KDM7A: variants seen among roughly 807,000 people sequenced by gnomAD.
KDM7A encodes the protein lysine-specific demethylase 7A.
A neutral mutation model predicts 114.8 loss-of-function variants in KDM7A; 28 were observed. The ratio of observed to expected loss-of-function variants is 0.24; its 90% CI spans 0.18 to 0.33. The LOEUF (loss-of-function observed/expected upper bound fraction) is 0.33, where lower values mean the gene tolerates loss of function less well. Ranked by LOEUF, KDM7A falls within the 10% of genes least tolerant of loss-of-function variation. KDM7A has a pLI of 1.00. For synonymous variants in KDM7A, 423 were observed against 397.8 expected (o/e 1.06, Z -0.75); for missense variants, 942 against 1,142.5 (o/e 0.82, Z 2.53).
In KDM7A at chr7:140,111,131, A is replaced by T. The variant is rs375980867; in HGVS notation, c.1392T>A (p.Leu464=). 1.3e-5 allele frequency: 21 copies of T among 1,605,750 alleles called. No individual in the cohort carries two copies. The African/African-American group carries it at 2.7e-4, about 20-fold the overall frequency. The part of the protein sequence containing the change: ...EIPDNVRPGH[L]IKELSKVIRA... Reference sequence around the variant, plus strand: ...GAATTACTTTAGAAAGTTCTTTAATAAGGTGTCCAGGTCTAACATTGTCTG... The same window carrying T: ...GAATTACTTTAGAAAGTTCTTTAATTAGGTGTCCAGGTCTAACATTGTCTG... Residue 464 remains leucine (L), a synonymous_variant, in exon 11 of 20, where the codon CTT becomes CTA. Coordinates refer to ENST00000397560, the MANE Select transcript of KDM7A (RefSeq NM_030647.2).
In KDM7A at chr7:140,106,431, T is replaced by C. The variant is rs1307352063; in HGVS notation, c.1429-4271A>G. On this transcript the variant is annotated intron_variant, in intron 11 of 19. Coordinates refer to ENST00000397560, the MANE Select transcript of KDM7A (RefSeq NM_030647.2). ...TTTCTCTTGTGGGCATTTAGTGCTA[T>C]AAATTTCCCTCTACACACTGCTTTA... is the stretch of plus-strand genomic sequence containing the variant. Among the ~76,000 whole-genome samples the C allele has an allele frequency of 2.0e-5, 3 of 152,228 alleles. No individual in the cohort carries two copies. In the East Asian group the frequency reaches 5.8e-4, roughly 29 times the overall value.
intron 1 of KDM7A, among the ~76,000 whole-genome samples, chr7:140,167,767 T>C (rs921961343): frequency 2.0e-5 from 3 of 151,858 alleles, no homozygotes; most frequent in African/African-American, 7.3e-5. Context: ...GACTAATAAA[T>C]ATGACTACAT....
chr7:140,120,407 G>T (rs1270469321), intron 8 of KDM7A, 35 bp downstream of exon 8: 3 of 1,274,948 alleles, frequency 2.4e-6, no homozygotes, highest in East Asian at 2.3e-5. Context: ...TTTTTAAAAA[G>T]GACAAAAGGT....
rs562542805 is a variant in KDM7A, at chr7:140,162,941, CT to C, written c.194+13802del. 6.4e-4 allele frequency among the ~76,000 whole-genome samples: 97 copies of C among 151,380 alleles called. No homozygotes were observed. The Middle Eastern group carries it at 0.01, about 16-fold the overall frequency. On this transcript the variant is annotated intron_variant, in intron 1 of 19. Transcript: ENST00000397560. Reference sequence around the variant, plus strand: ...TGTACATGCTGATATGAGAAGCTCTCTGAGATATCCAGGATATTTTAATAAA... The same window carrying C: ...TGTACATGCTGATATGAGAAGCTCTCGAGATATCCAGGATATTTTAATAAA...
intron 10 of KDM7A, among the ~76,000 whole-genome samples, 185 bp downstream of exon 10, chr7:140,113,306 T>C (rs187494751): frequency 6.6e-6 from 1 of 152,366 alleles, no homozygotes; most frequent in African/African-American, 2.4e-5. Flanking sequence ...ATAAATACTT[T>C]ATTCTCATAA....
At chr7:140,134,443 AG>A (rs1469491580) in intron 2 of KDM7A, among the ~76,000 whole-genome samples, 1 of 152,168 alleles carries the variant, frequency 6.6e-6, no homozygotes, top group African/African-American at 2.4e-5. Context: ...CCCTTCACAA[AG>A]GGGAGATGGG....
At chr7:140,126,522 A>G (rs1377787033) in intron 6 of KDM7A, 115 bp downstream of exon 6, 1 of 584,862 alleles carries the variant, frequency 1.7e-6, no homozygotes, top group Admixed American at 3.3e-5. Flanking sequence ...AAAGTAAAAA[A>G]AAAAAAAAAA....
rs1228719944 is a variant in KDM7A at position 140,089,303 on chromosome 7, A to G, written c.*1791T>C. On this transcript the variant is annotated 3_prime_UTR_variant, in exon 20 of 20. Transcript: ENST00000397560. Reference sequence around the variant, plus strand: ...TTGGTCCAGTCACTCTGAACCAGAAAGGCTACTTCATAAACTATTTCATAT... The same window carrying G: ...TTGGTCCAGTCACTCTGAACCAGAAGGGCTACTTCATAAACTATTTCATAT... The G allele has an allele frequency of 6.6e-6, 1 of 152,230 alleles. No homozygotes were observed. Among genetic ancestry groups the G allele is most frequent in the Admixed American group, 6.5e-5 (1 of 15,280 alleles). The allele number at this position is 152,230 out of a possible 1,614,324, so 9.4% of individuals were successfully genotyped here.
At chr7:140,156,127 A>C (rs1562959455) in intron 1 of KDM7A, among the ~76,000 whole-genome samples, 2 of 152,248 alleles carry the variant, frequency 1.3e-5, no homozygotes, top group Non-Finnish European at 2.9e-5. Context: ...GGGAGAAATA[A>C]GACAGCAACA....
rs775276436 is a variant in KDM7A at position 140,119,105 on chromosome 7, T to C, written c.1246+8A>G. 2.0e-6 allele frequency: 3 copies of C among 1,516,950 alleles called. No individual in the cohort carries two copies. The highest frequency in any genetic ancestry group is 1.7e-4 in the Middle Eastern group (1 of 5,864). The allele number at this position is 1,516,950 out of a possible 1,614,324, so 94.0% of individuals were successfully genotyped here. On this transcript the variant is annotated splice_region_variant and intron_variant, in intron 9 of 19. Coordinates refer to ENST00000397560, the MANE Select transcript of KDM7A (RefSeq NM_030647.2). ...ATATCATATACAAACATGCAAATTATTAATTACCTTTCAGGGTTTCCAGCA... is the reference window on the plus strand; with the variant it reads ...ATATCATATACAAACATGCAAATTACTAATTACCTTTCAGGGTTTCCAGCA...
intron 2 of KDM7A, among the ~76,000 whole-genome samples, chr7:140,135,742 T>C (rs1447657352): frequency 6.6e-6 from 1 of 152,094 alleles, no homozygotes; most frequent in East Asian, 1.9e-4. Context: ...TCAGAATAAA[T>C]TCTAAGAAAT....
chr7:140,164,158 T>C lies in KDM7A; in HGVS notation c.194+12586A>G, dbSNP rs970197654. On this transcript the variant is annotated intron_variant, in intron 1 of 19. Coordinates refer to ENST00000397560, the MANE Select transcript of KDM7A (RefSeq NM_030647.2). ...TTCTCTAAAGCCAACTACCAATTTA[T>C]AGGAAAGTGAGAAGCAAAAAGATTC... Among the ~76,000 whole-genome samples, 93 of 152,124 alleles carry C rather than the reference T, an allele frequency of 6.1e-4. 1 individual carries two copies. The highest frequency in any genetic ancestry group is 2.2e-3 in the African/African-American group (91 of 41,396).
In KDM7A at chr7:140,133,422, T is replaced by G. The variant is rs565208107; in HGVS notation, c.398+117A>C. 4.6e-4 allele frequency: 269 copies of G among 590,522 alleles called. No homozygotes were observed. The African/African-American group carries it at 4.7e-3, about 10-fold the overall frequency. 36.6% of individuals were successfully genotyped at this position (590,522 alleles called of 1,614,324 possible). A position where few individuals can be genotyped will look rare whatever the true frequency, so the allele number is the denominator to read the frequency against. ...GGAAGAAAAAAGGTGAAAAGCTGGCTGAGGACAATAATGGGTTGCAGCCTA... is the reference window on the plus strand; with the variant it reads ...GGAAGAAAAAAGGTGAAAAGCTGGCGGAGGACAATAATGGGTTGCAGCCTA... On this transcript the variant is annotated intron_variant, in intron 3 of 19. Transcript: ENST00000397560.
intron 1 of KDM7A, among the ~76,000 whole-genome samples, chr7:140,155,715 G>T (rs1352179703): frequency 6.6e-6 from 1 of 152,226 alleles, no homozygotes; most frequent in African/African-American, 2.4e-5. Context: ...GGCCACTGGT[G>T]TGGGGCAATC....
chr7:140,101,856 T>A, intron 12 of KDM7A, 95 bp downstream of exon 12: 1 of 803,700 alleles, frequency 1.2e-6, no homozygotes, highest in East Asian at 2.4e-5. Flanking sequence ...CAAGATTAGA[T>A]ATCAACAATA....
rs182926699 is a variant in KDM7A, at chr7:140,091,074, T to C, written c.*20A>G. The C allele has an allele frequency of 2.4e-4, 383 of 1,579,344 alleles. 4 individuals are homozygous for C. In the African/African-American group the frequency reaches 4.7e-3, roughly 19 times the overall value. On this transcript the variant is annotated 3_prime_UTR_variant, in exon 20 of 20. Transcript: ENST00000397560. Reference sequence around the variant, plus strand: ...CTAGACTGGTCTCCAAAGGGAAGAATGGCTGCAACAGCAGCTCTGTCACAC... The same window carrying C: ...CTAGACTGGTCTCCAAAGGGAAGAACGGCTGCAACAGCAGCTCTGTCACAC...
rs751010606 is a variant in KDM7A, at chr7:140,091,105, A to G, written c.2815T>C (p.Phe939Leu). The G allele has an allele frequency of 1.2e-6, 2 of 1,613,362 alleles. No individual in the cohort carries two copies. Among genetic ancestry groups the G allele is most frequent in the East Asian group, 2.2e-5 (1 of 44,876 alleles). ...CAACAGCAGCTCTGTCACACAAAGA[A>G]ACGTGCATGGCCATTTCTGTTCAAC... ...LKLNRNGHAR[F>L]FV The change falls in exon 20 of 20, where the codon TTC (phenylalanine) becomes CTC (leucine). Residue 939 changes from phenylalanine (F) to leucine (L), a missense_variant. Around this residue, in one of 4 missense-constraint regions of KDM7A, gnomAD observed 512 missense variants for 576.6 expected, o/e 0.89. Coordinates refer to ENST00000397560, the MANE Select transcript of KDM7A (RefSeq NM_030647.2).
At chr7:140,157,240 T>A (rs1423188695) in intron 1 of KDM7A, among the ~76,000 whole-genome samples, 3 of 152,244 alleles carry the variant, frequency 2.0e-5, no homozygotes, top group Non-Finnish European at 4.4e-5. Context: ...ATGTGACAGT[T>A]CTAAAGACAT....
In KDM7A at chr7:140,099,918, T is replaced by A; in HGVS notation, c.1744A>T (p.Thr582Ser). 1 of 1,610,682 alleles carries A rather than the reference T, an allele frequency of 6.2e-7. No individual in the cohort carries two copies. Among genetic ancestry groups the A allele is most frequent in the Non-Finnish European group, 8.5e-7 (1 of 1,176,792 alleles). ...AKDNDLRLLL[T>S]NGRIIKDERQ... ...ACATACTTAATTATTCTTCCATTTG[T>A]CAGCAGTAATCGTAGATCATTATCT... The change falls in exon 13 of 20, where the codon ACA becomes TCA. Residue 582 changes from threonine (T) to serine (S), a missense_variant. By Grantham distance (58) the Thr-to-Ser change is moderately conservative. Transcript: ENST00000397560.
Sources: allele counts gnomAD v4.1 joint callset (sites outside exome capture counted in the v4.1 genomes callset), GRCh38; gene constraint gnomAD v4.1.1; regional missense constraint gnomAD v4.1.1; transcripts MANE v1.5; gene names NCBI Gene and HGNC (gene_info 2026-07-23, HGNC 2026-07-21).